Variants in THBS4 observed in about 807,000 individuals in gnomAD.
THBS4 encodes the protein thrombospondin 4.
In THBS4, 90 loss-of-function variants were observed where a neutral mutation model predicts 115.7. The ratio of observed to expected loss-of-function variants is 0.78; its 90% CI spans 0.66 to 0.93. THBS4 has a LOEUF of 0.93. Ranked by LOEUF, THBS4 falls within the 40% of genes least tolerant of loss-of-function variation. The pLI is 0.00. For missense variants in THBS4, 1,087 were observed against 1,232.7 expected, an observed-to-expected ratio of 0.88 and a Z score of 1.77; for synonymous variants, 460 against 479.3, an observed-to-expected ratio of 0.96 and a Z score of 0.53.
chr5:80,000,347 C>A (rs547351680), intron 2 of THBS4, among the ~76,000 whole-genome samples: 1 of 152,274 alleles, frequency 6.6e-6, no homozygotes, highest in African/African-American at 2.4e-5. Context: ...CTCAAAGTTA[C>A]CCTTTGCTTT....
At chr5:80,003,009 T>C (rs1473201861) in intron 2 of THBS4, among the ~76,000 whole-genome samples, 1 of 152,060 alleles carries the variant, frequency 6.6e-6, no homozygotes, top group Non-Finnish European at 1.5e-5. Flanking sequence ...GGAATATACA[T>C]TTTTCACTAA....
chr5:80,025,403 T>C (rs1388771073), intron 2 of THBS4, among the ~76,000 whole-genome samples: 2 of 152,226 alleles, frequency 1.3e-5, no homozygotes, highest in African/African-American at 4.8e-5. Flanking sequence ...TGATTTTAGC[T>C]GCTTAACTAT....
chr5:80,050,559 A>G (rs546711100), intron 2 of THBS4, among the ~76,000 whole-genome samples: 2 of 152,272 alleles, frequency 1.3e-5, no homozygotes, highest in South Asian at 2.1e-4. Flanking sequence ...TGTTCCCCCA[A>G]TTTGGAGGTA....
At chr5:80,059,159 G>T (rs1481739505) in intron 5 of THBS4, among the ~76,000 whole-genome samples, 1 of 151,926 alleles carries the variant, frequency 6.6e-6, no homozygotes, top group African/African-American at 2.4e-5. Context: ...GTGAAACCCC[G>T]TCTCTACTAA....
At chr5:80,059,512 G>C (rs1209643480) in intron 6 of THBS4, 21 bp downstream of exon 6, 1 of 1,613,802 alleles carries the variant, frequency 6.2e-7, no homozygotes, top group Non-Finnish European at 8.5e-7. Flanking sequence ...TTCTAGTAAT[G>C]GGCTCGCCTG....
chr5:80,034,156 T>C (rs1281855000), upstream of THBS4, among the ~76,000 whole-genome samples: 1 of 152,200 alleles, frequency 6.6e-6, no homozygotes, highest in Non-Finnish European at 1.5e-5. Context: ...TGTGTAGACA[T>C]ATGCCCCATT....
intron 2 of THBS4, among the ~76,000 whole-genome samples, chr5:80,051,516 T>G (rs1476104590): frequency 6.6e-6 from 1 of 152,204 alleles, no homozygotes; most frequent in Non-Finnish European, 1.5e-5. Context: ...TTTCCTTCCC[T>G]GCGTTTTCTT....
chr5:80,006,912 G>T (rs1020958561), intron 2 of THBS4, among the ~76,000 whole-genome samples: 3 of 152,122 alleles, frequency 2.0e-5, no homozygotes, highest in Admixed American at 2.0e-4. Flanking sequence ...TTTTAAAAAA[G>T]AATAAAGGGG....
chr5:80,081,388 G>A (rs147408423), intron 20 of THBS4, among the ~76,000 whole-genome samples: 28 of 151,986 alleles, frequency 1.8e-4, no homozygotes, highest in African/African-American at 5.1e-4. Context: ...CTACCTACAC[G>A]TATAATCTAG....
At chr5:80,040,476 AG>A (rs1242919429) in intron 2 of THBS4, among the ~76,000 whole-genome samples, 196 bp downstream of exon 2, 1 of 152,090 alleles carries the variant, frequency 6.6e-6, no homozygotes, top group African/African-American at 2.4e-5. Flanking sequence ...TCAGGAAGAA[AG>A]TGACATTGGG....
In THBS4 at chr5:80,059,318, A is replaced by G. The variant is rs1270135302; in HGVS notation, c.733-122A>G. 16 of 974,030 alleles carry G rather than the reference A, an allele frequency of 1.6e-5. 1 individual carries two copies. The highest frequency in any genetic ancestry group is 3.5e-5 in the African/African-American group (2 of 57,330). 60.3% of individuals were successfully genotyped at this position (974,030 alleles called of 1,614,324 possible). On this transcript the variant is annotated intron_variant, in intron 5 of 21. Coordinates refer to ENST00000350881, the MANE Select transcript of THBS4 (RefSeq NM_003248.6). ...GCACTCCAGCCTGGGCGACAGACTG[A>G]GACTGTCTCAAAAAAAAAAAAAAAA...
At chr5:80,042,708 G>A (rs1166258649) in intron 2 of THBS4, among the ~76,000 whole-genome samples, 1 of 152,226 alleles carries the variant, frequency 6.6e-6, no homozygotes, top group Non-Finnish European at 1.5e-5. Context: ...TTTAGGGGCT[G>A]TAATCCCAGC....
intron 11 of THBS4, 22 bp downstream of exon 11, chr5:80,070,432 T>A (rs748691571): frequency 1.2e-6 from 2 of 1,600,104 alleles, no homozygotes; most frequent in South Asian, 2.2e-5. Context: ...GGGGTGGCAG[T>A]AGGCACACAT....
intron 2 of THBS4, 136 bp downstream of exon 2, chr5:80,040,416 A>T: frequency 7.0e-6 from 3 of 429,034 alleles, no homozygotes; most frequent in South Asian, 4.6e-5. Flanking sequence ...TTAATACTGA[A>T]TTCTTCTTAC....
chr5:80,056,105 C>G, intron 3 of THBS4, 73 bp downstream of exon 3: 3 of 1,480,314 alleles, frequency 2.0e-6, no homozygotes, highest in Non-Finnish European at 1.8e-6. Context: ...GAGGAGCGTG[C>G]TGAGAAATTC....
chr5:80,061,718 G>A lies in THBS4; in HGVS notation c.1011G>A (p.Pro337=), dbSNP rs1252005011. ...VDECKYHPCY[P]GVHCINLSPG... ...AGTGCAAATACCATCCCTGCTACCC[G>A]GGCGTGCACTGCATAAATTTGTCTC... is the stretch of plus-strand genomic sequence containing the variant. Residue 337 remains proline (P), a synonymous_variant, in exon 8 of 22, where the codon CCG becomes CCA. Transcript: ENST00000350881. 29 of 1,613,346 alleles carry A rather than the reference G, an allele frequency of 1.8e-5. No homozygotes were observed. Among genetic ancestry groups the A allele is most frequent in the African/African-American group, 8.0e-5 (6 of 74,858 alleles).
chr5:80,051,565 T>A (rs1235370660), intron 2 of THBS4, among the ~76,000 whole-genome samples: 3 of 152,164 alleles, frequency 2.0e-5, no homozygotes, highest in Non-Finnish European at 4.4e-5. Context: ...GAGGGATTTG[T>A]CATTTGAGTG....
intron 13 of THBS4, 28 bp from the exon 14 acceptor site, chr5:80,072,250 G>T: frequency 6.2e-7 from 1 of 1,600,854 alleles, no homozygotes; most frequent in South Asian, 1.1e-5. Flanking sequence ...ACATTCCCCT[G>T]ACTCAAGGTA....
At chr5:80,020,792 C>T (rs1419472356) in intron 2 of THBS4, among the ~76,000 whole-genome samples, 2 of 152,166 alleles carry the variant, frequency 1.3e-5, no homozygotes, top group African/African-American at 4.8e-5. Flanking sequence ...CTCTATAATG[C>T]AGGCTTCTAA....
Sources: allele counts gnomAD v4.1 joint callset (sites outside exome capture counted in the v4.1 genomes callset), GRCh38; gene constraint gnomAD v4.1.1; transcripts MANE v1.5; gene names NCBI Gene and HGNC (gene_info 2026-07-23, HGNC 2026-07-21).